The following ASB3 variants were observed in gnomAD, a reference collection of about 807,000 sequenced individuals.
ASB3 encodes ankyrin repeat and SOCS box containing 3.
Under a neutral mutation model 54.5 loss-of-function variants are expected in ASB3, and 41 were observed. That is an observed-to-expected ratio of 0.75 (90% confidence interval 0.59 to 0.98). The LOEUF (loss-of-function observed/expected upper bound fraction) is 0.98, where lower values mean the gene tolerates loss of function less well. ASB3 is among the 50% of genes least tolerant of loss of function. The pLI, the probability that ASB3 is intolerant of heterozygous loss-of-function variation, is 0.00. For synonymous variants in ASB3, 266 were observed against 221.2 expected (o/e 1.20, Z -1.80); for missense variants, 733 against 620.0 (o/e 1.18, Z -1.94).
At chr2:53,740,735 G>GT (rs1328028014) in intron 3 of ASB3, among the ~76,000 whole-genome samples, 2 of 152,046 alleles carry the variant, frequency 1.3e-5, no homozygotes, top group African/African-American at 2.4e-5. Flanking sequence ...AATCATCCAC[G>GT]TTATCACTGA....
intron 3 of ASB3, among the ~76,000 whole-genome samples, chr2:53,734,265 A>G (rs185597586): frequency 2.6e-5 from 4 of 152,312 alleles, no homozygotes; most frequent in African/African-American, 9.6e-5. Context: ...TCTCTTCTCC[A>G]GTTTTTTCTC....
intron 5 of ASB3, among the ~76,000 whole-genome samples, chr2:53,719,475 A>G (rs567938983): frequency 4.3e-4 from 65 of 152,306 alleles, no homozygotes; most frequent in African/African-American, 1.5e-3. Flanking sequence ...GACCAGGAAC[A>G]TGCCAAACTC....
intron 9 of ASB3, among the ~76,000 whole-genome samples, chr2:53,685,153 T>C (rs893218242): frequency 6.6e-5 from 10 of 152,210 alleles, no homozygotes; most frequent in Admixed American, 2.6e-4. Context: ...TTCTCTTTTT[T>C]AAGGGGCATG....
At chr2:53,717,175 C>T (rs1025454372) in intron 5 of ASB3, among the ~76,000 whole-genome samples, 1 of 152,198 alleles carries the variant, frequency 6.6e-6, no homozygotes, top group Non-Finnish European at 1.5e-5. Flanking sequence ...TCCAATCCCT[C>T]CTCCAACAAG....
chr2:53,711,100 T>G (rs946817719), intron 7 of ASB3, among the ~76,000 whole-genome samples: 1 of 152,138 alleles, frequency 6.6e-6, no homozygotes, highest in Admixed American at 6.6e-5. Context: ...CACTGCACTC[T>G]GTGTGGGCAA....
rs112024936 is a variant in ASB3 at position 53,722,679 on chromosome 2, T to C, written c.605-5936A>G. Among the ~76,000 whole-genome samples the C allele has an allele frequency of 3.2e-3, 480 of 152,112 alleles. 3 individuals are homozygous for C. Among genetic ancestry groups the C allele is most frequent in the East Asian group, 6.4e-3 (33 of 5,174 alleles). ...AACAAAACCCTCAACAAACTAGGCA[T>C]TGAAGGAATGTATCTTAATAAGAAT... is the stretch of plus-strand genomic sequence containing the variant. On this transcript the variant is annotated intron_variant, in intron 5 of 9. Transcript: ENST00000263634.
At chr2:53,784,584 T>C (rs917838863) in intron 1 of ASB3, among the ~76,000 whole-genome samples, 3 of 152,334 alleles carry the variant, frequency 2.0e-5, no homozygotes, top group African/African-American at 4.8e-5. Flanking sequence ...TGCCTCTTCC[T>C]AGCTTGTGGT....
intron 1 of ASB3, 155 bp downstream of exon 1, chr2:53,786,666 G>C (rs1022258587): frequency 6.5e-6 from 1 of 153,052 alleles, no homozygotes; most frequent in Non-Finnish European, 1.5e-5. Context: ...ACATCTCATC[G>C]CTACTTCGAA....
At chr2:53,772,076 G>A in intron 1 of ASB3, 1 of 585,756 alleles carries the variant, frequency 1.7e-6, no homozygotes, top group Non-Finnish European at 2.9e-6. Context: ...TGTATTTGTG[G>A]GTTTTTTTTG....
rs1203438471 is a variant in ASB3, at chr2:53,765,421, G to A, written c.152C>T (p.Ala51Val). Reference sequence around the variant, plus strand: ...CAAACATTCTACAGAGTTGTGATAAGCTGCTTCATGAATTGGCATCCATCC... The same window carrying A: ...CAAACATTCTACAGAGTTGTGATAAACTGCTTCATGAATTGGCATCCATCC... ...NRGWMPIHEA[A>V]YHNSVECLQM... Residue 51 changes from alanine (A) to valine (V), a missense_variant, in exon 2 of 10, where the codon GCT becomes GTT. By Grantham distance (64) the Ala-to-Val change is moderately conservative. Transcript: ENST00000263634. The A allele has an allele frequency of 6.2e-7, 1 of 1,614,194 alleles. No homozygotes were observed. The highest frequency in any genetic ancestry group is 1.7e-5 in the Admixed American group (1 of 60,026).
chr2:53,720,566 C>T (rs1270227665), intron 5 of ASB3, among the ~76,000 whole-genome samples: 1 of 152,200 alleles, frequency 6.6e-6, no homozygotes, highest in Non-Finnish European at 1.5e-5. Flanking sequence ...AATATACACA[C>T]ACCCAACATT....
At chr2:53,704,489 G>C (rs1029036224) in intron 7 of ASB3, among the ~76,000 whole-genome samples, 20 of 152,110 alleles carry the variant, frequency 1.3e-4, no homozygotes, top group African/African-American at 4.3e-4. Context: ...GTGATTGTAG[G>C]CAATCCAAAT....
intron 5 of ASB3, among the ~76,000 whole-genome samples, chr2:53,717,334 T>C (rs1171707162): frequency 6.6e-6 from 1 of 152,206 alleles, no homozygotes; most frequent in Non-Finnish European, 1.5e-5. Flanking sequence ...TATCAGTAGA[T>C]ATGACATATA....
chr2:53,711,082 G>A (rs139883462), intron 7 of ASB3, among the ~76,000 whole-genome samples: 1 of 152,276 alleles, frequency 6.6e-6, no homozygotes, highest in East Asian at 1.9e-4. Flanking sequence ...AGTGAGTCAT[G>A]ATCATATCAC....
chr2:53,703,785 A>G (rs986280229), intron 7 of ASB3, among the ~76,000 whole-genome samples: 1 of 152,210 alleles, frequency 6.6e-6, no homozygotes, highest in African/African-American at 2.4e-5. Context: ...ACAAATGAGA[A>G]AAGGGAAGTC....
chr2:53,765,410 A>C lies in ASB3; in HGVS notation c.163T>G (p.Ser55Ala). Residue 55 changes from serine to alanine, a missense_variant, in exon 2 of 10, where the codon TCT becomes GCT. Ser to Ala is a moderately conservative substitution (Grantham distance 99, BLOSUM62 1). Coordinates refer to ENST00000263634, the MANE Select transcript of ASB3 (RefSeq NM_016115.5). ...ATTAACATTTGCAAACATTCTACAG[A>C]GTTGTGATAAGCTGCTTCATGAATT... ...MPIHEAAYHN[S>A]VECLQMLINA... 1 of 1,614,238 alleles carries C rather than the reference A, an allele frequency of 6.2e-7. No individual in the cohort carries two copies. The highest frequency in any genetic ancestry group is 8.5e-7 in the Non-Finnish European group (1 of 1,180,030).
intron 9 of ASB3, among the ~76,000 whole-genome samples, chr2:53,680,424 TA>T (rs1336374112): frequency 1.3e-5 from 2 of 152,246 alleles, no homozygotes; most frequent in Admixed American, 1.3e-4. Flanking sequence ...TACCTTTTAG[TA>T]ATAACCATTC....
chr2:53,698,256 C>T (rs1167405965), intron 8 of ASB3, among the ~76,000 whole-genome samples: 1 of 152,182 alleles, frequency 6.6e-6, no homozygotes, highest in African/African-American at 2.4e-5. Flanking sequence ...ATGGGAGGGA[C>T]AGCCTCAAAG....
intron 3 of ASB3, among the ~76,000 whole-genome samples, chr2:53,741,969 C>G (rs1270210251): frequency 6.6e-6 from 1 of 152,118 alleles, no homozygotes; most frequent in East Asian, 1.9e-4. Context: ...AGCTGCACAT[C>G]TAAGAAAAAG....
Sources: gnomAD v4.1 joint callset for allele counts (sites outside exome capture counted in the v4.1 genomes callset) on GRCh38, gnomAD v4.1.1 for gene constraint, MANE v1.5 for transcripts, NCBI Gene and HGNC (gene_info 2026-07-23, HGNC 2026-07-21) for gene names.